Variants in ENTREP2 observed in about 807,000 individuals in gnomAD.
The protein encoded by ENTREP2 is protein ENTREP2.
chr15:29,490,431 G>T, the ENTREP2 span, among the ~76,000 whole-genome samples: 1 of 152,202 alleles, frequency 6.6e-6, no homozygotes, highest in Non-Finnish European at 1.5e-5. Context: ...GGCTCCGGCA[G>T]CCTGCTTTTA....
the ENTREP2 span, among the ~76,000 whole-genome samples, chr15:29,395,855 T>A: frequency 3.9e-5 from 6 of 152,102 alleles, no homozygotes; most frequent in Non-Finnish European, 7.4e-5. Context: ...TTGATTTGCA[T>A]CTCCTTAAGG....
the ENTREP2 span, among the ~76,000 whole-genome samples, chr15:29,500,847 G>A: frequency 6.6e-6 from 1 of 151,900 alleles, no homozygotes; most frequent in Non-Finnish European, 1.5e-5. Context: ...ACTTTAGCTA[G>A]GCTGAGCAAA....
the ENTREP2 span, among the ~76,000 whole-genome samples, chr15:29,618,784 C>T: frequency 3.2e-4 from 48 of 152,308 alleles, no homozygotes; most frequent in African/African-American, 9.9e-4. Context: ...CCTCCCACCC[C>T]AGGGTGGCAG....
the ENTREP2 span, among the ~76,000 whole-genome samples, chr15:29,388,110 T>C: frequency 1.3e-5 from 2 of 152,110 alleles, no homozygotes; most frequent in Admixed American, 6.5e-5. Flanking sequence ...AAAGCCAAAA[T>C]TGACAAATGG....
the ENTREP2 span, among the ~76,000 whole-genome samples, chr15:29,477,562 A>T: frequency 6.6e-6 from 1 of 152,216 alleles, no homozygotes; most frequent in Non-Finnish European, 1.5e-5. Context: ...TCTTAGGACC[A>T]GAGAAACACC....
the ENTREP2 span, among the ~76,000 whole-genome samples, chr15:29,356,399 T>C: frequency 1.4e-5 from 2 of 142,856 alleles, no homozygotes; most frequent in Non-Finnish European, 3.0e-5. Context: ...CTCTGCCTCC[T>C]GGGTTCACGC....
chr15:29,365,829 C>T, the ENTREP2 span, among the ~76,000 whole-genome samples: 2 of 151,982 alleles, frequency 1.3e-5, no homozygotes, highest in Non-Finnish European at 2.9e-5. Flanking sequence ...ACCCTCACAC[C>T]AGAAGACGAC....
At chr15:29,497,806 T>C in the ENTREP2 span, among the ~76,000 whole-genome samples, 1 of 151,468 alleles carries the variant, frequency 6.6e-6, no homozygotes, top group African/African-American at 2.5e-5. Flanking sequence ...TACTATATCC[T>C]TCCTTCTGCT....
the ENTREP2 span, among the ~76,000 whole-genome samples, chr15:29,545,427 A>G: frequency 2.1e-4 from 32 of 152,348 alleles, no homozygotes; most frequent in Non-Finnish European, 1.5e-5. Context: ...GATAACAGAA[A>G]ACATTATCCT....
chr15:29,246,433 G>T, the ENTREP2 span, among the ~76,000 whole-genome samples: 1 of 149,058 alleles, frequency 6.7e-6, no homozygotes, highest in African/African-American at 2.5e-5. Flanking sequence ...AGTGGCTCAT[G>T]CCTGTAATAC....
At chr15:29,470,700 C>T in the ENTREP2 span, among the ~76,000 whole-genome samples, 1 of 152,256 alleles carries the variant, frequency 6.6e-6, no homozygotes, top group South Asian at 2.1e-4. Context: ...GTGGCCAGCT[C>T]GGGGCTCATG....
chr15:29,515,804 A>G, the ENTREP2 span, among the ~76,000 whole-genome samples: 9 of 152,316 alleles, frequency 5.9e-5, no homozygotes, highest in African/African-American at 2.2e-4. Flanking sequence ...TGGGGAATGT[A>G]TCCCCTGGCC....
chr15:29,319,394 T>C, the ENTREP2 span, among the ~76,000 whole-genome samples: 1 of 152,066 alleles, frequency 6.6e-6, no homozygotes, highest in African/African-American at 2.4e-5. Flanking sequence ...TGAACAGAGG[T>C]CCTGGGTTGT....
the ENTREP2 span, among the ~76,000 whole-genome samples, chr15:29,482,164 A>ATTTTT: frequency 2.7e-3 from 361 of 135,224 alleles, 5 homozygotes; most frequent in African/African-American, 9.7e-3. Flanking sequence ...CAGGCAGCTA[A>ATTTTT]TTTTTTTTTT....
the ENTREP2 span, among the ~76,000 whole-genome samples, chr15:29,642,801 A>G: frequency 1.3e-5 from 2 of 151,986 alleles, no homozygotes; most frequent in African/African-American, 4.8e-5. Flanking sequence ...TTTAGTAGAG[A>G]TGGGATTTCA....
chr15:29,463,460 T>C, the ENTREP2 span, among the ~76,000 whole-genome samples: 1 of 152,186 alleles, frequency 6.6e-6, no homozygotes, highest in African/African-American at 2.4e-5. Context: ...TAAAAAATCA[T>C]TGAGCCGTAG....
At chr15:29,337,458 T>C in the ENTREP2 span, among the ~76,000 whole-genome samples, 2 of 152,194 alleles carry the variant, frequency 1.3e-5, no homozygotes, top group Non-Finnish European at 2.9e-5. Context: ...TGAGATTTTA[T>C]CACGTTTGTA....
the ENTREP2 span, among the ~76,000 whole-genome samples, chr15:29,562,689 T>C: frequency 1.1e-3 from 165 of 152,356 alleles, no homozygotes; most frequent in African/African-American, 3.6e-3. Context: ...CAGTGTACTA[T>C]ATCTTCAAAT....
chr15:29,230,782 A>G, the ENTREP2 span, among the ~76,000 whole-genome samples: 1 of 152,216 alleles, frequency 6.6e-6, no homozygotes, highest in Non-Finnish European at 1.5e-5. Flanking sequence ...TAGTGGCCTG[A>G]GACAAGATTA....
Sources: allele counts gnomAD v4.1 joint callset (sites outside exome capture counted in the v4.1 genomes callset), GRCh38; gene constraint gnomAD v4.1.1; transcripts MANE v1.5; gene names NCBI Gene and HGNC (gene_info 2026-07-23, HGNC 2026-07-21).